The following GRM7 variants were observed in gnomAD, a reference collection of about 807,000 sequenced individuals.
GRM7 encodes glutamate metabotropic receptor 7.
In GRM7, 35 loss-of-function variants were observed where a neutral mutation model predicts 84.5. That is an observed-to-expected ratio of 0.41 (90% CI 0.32 to 0.55). GRM7 has a LOEUF of 0.55. Ranked by LOEUF, GRM7 falls within the 20% of genes least tolerant of loss-of-function variation. The pLI, the probability that GRM7 is intolerant of heterozygous loss-of-function variation, is 0.19. For synonymous variants in GRM7, 487 were observed against 455.1 expected (o/e 1.07, Z -0.89); for missense variants, 1,003 against 1,194.6 (o/e 0.84, Z 2.36).
rs1276246354 is a variant in GRM7, at chr3:7,406,837, T to C, written c.1034-8186T>C. 2.0e-5 allele frequency among the ~76,000 whole-genome samples: 3 copies of C among 152,308 alleles called. No homozygotes were observed. In the South Asian group the frequency reaches 6.2e-4, roughly 32 times the overall value. Reference sequence around the variant, plus strand: ...TGAAACATGTTGCTAGATCAAAAAATTTGCACATTTTTTATAGCTTTGGAT... The same window carrying C: ...TGAAACATGTTGCTAGATCAAAAAACTTGCACATTTTTTATAGCTTTGGAT... On this transcript the variant is annotated intron_variant, in intron 4 of 9. Transcript: ENST00000357716.
At chr3:7,237,755 G>A (rs1697399171) in intron 2 of GRM7, among the ~76,000 whole-genome samples, 1 of 152,180 alleles carries the variant, frequency 6.6e-6, no homozygotes, top group African/African-American at 2.4e-5. Flanking sequence ...GGTTGCCACT[G>A]CTGGCTCCAG....
chr3:7,465,199 G>A (rs1269746840), intron 7 of GRM7, among the ~76,000 whole-genome samples: 2 of 152,252 alleles, frequency 1.3e-5, no homozygotes, highest in Non-Finnish European at 1.5e-5. Context: ...TAAGAGTGAT[G>A]TGTTAGGAAA....
chr3:7,485,265 C>T (rs1489827209), intron 7 of GRM7, among the ~76,000 whole-genome samples: 2 of 152,174 alleles, frequency 1.3e-5, no homozygotes, highest in Non-Finnish European at 2.9e-5. Context: ...ACACAGCAGT[C>T]AATAACTAAT....
At chr3:7,642,210 C>A (rs558279326) in intron 8 of GRM7, among the ~76,000 whole-genome samples, 1 of 152,122 alleles carries the variant, frequency 6.6e-6, no homozygotes, top group African/African-American at 2.4e-5. Context: ...GCAAACTTCC[C>A]GGAGCTACCA....
At chr3:7,032,133 C>G (rs1482584119) in intron 1 of GRM7, among the ~76,000 whole-genome samples, 1 of 152,148 alleles carries the variant, frequency 6.6e-6, no homozygotes, top group African/African-American at 2.4e-5. Context: ...ATTTGGTAAG[C>G]CAGCTTGTGG....
At chr3:7,133,896 C>A (rs919057278) in intron 1 of GRM7, among the ~76,000 whole-genome samples, 1 of 152,076 alleles carries the variant, frequency 6.6e-6, no homozygotes, top group Non-Finnish European at 1.5e-5. Context: ...TGGGATACCA[C>A]GTTGGGATGG....
At chr3:7,309,779 C>T (rs1700327341) in intron 4 of GRM7, among the ~76,000 whole-genome samples, 1 of 152,116 alleles carries the variant, frequency 6.6e-6, no homozygotes, top group African/African-American at 2.4e-5. Flanking sequence ...GGTGTCATTT[C>T]CCCCCTTTCG....
chr3:7,269,537 A>T (rs1008270719), intron 2 of GRM7, among the ~76,000 whole-genome samples: 6 of 152,206 alleles, frequency 3.9e-5, no homozygotes, highest in Non-Finnish European at 8.8e-5. Flanking sequence ...TATGCAGCCA[A>T]GGGTGAGAAC....
intron 2 of GRM7, among the ~76,000 whole-genome samples, chr3:7,255,523 C>A (rs1160586854): frequency 6.6e-6 from 1 of 152,168 alleles, no homozygotes; most frequent in Non-Finnish European, 1.5e-5. Flanking sequence ...AGAAATATTC[C>A]CATTTTAATT....
At position 6,863,179 on chromosome 3, in the gene GRM7, CCT is replaced by C. The variant is rs1333981277; in HGVS notation, c.519+1275_519+1276del. Among the ~76,000 whole-genome samples, 1 of 151,766 alleles carries C rather than the reference CCT, an allele frequency of 6.6e-6. No individual in the cohort carries two copies. Among genetic ancestry groups the C allele is most frequent in the East Asian group, 1.9e-4 (1 of 5,138 alleles). On this transcript the variant is annotated intron_variant, in intron 1 of 9. Coordinates refer to ENST00000357716, the MANE Select transcript of GRM7 (RefSeq NM_000844.4). This position sits in a 1 kb window ranked among gnomAD's most constrained non-coding sequence, Gnocchi z 4.8. ...CTTTTCAATCTCTCCCTCCTTTCCTCCTCTGTCTTCACTCCCAAGTTCTTGGT... is the reference window on the plus strand; with the variant it reads ...CTTTTCAATCTCTCCCTCCTTTCCTCCTGTCTTCACTCCCAAGTTCTTGGT...
rs1697866082 is a variant in GRM7, at chr3:6,940,811, A to T, written c.519+78904A>T. ...ATATCATCTTCATGTGAAGATAGAGATATGGAATAACCACCTAAGTTCTTC... is the reference window on the plus strand; with the variant it reads ...ATATCATCTTCATGTGAAGATAGAGTTATGGAATAACCACCTAAGTTCTTC... On this transcript the variant is annotated intron_variant, in intron 1 of 9. Transcript: ENST00000357716. 1.3e-5 allele frequency among the ~76,000 whole-genome samples: 2 copies of T among 152,298 alleles called. 1 individual carries two copies. Among genetic ancestry groups the T allele is most frequent in the Admixed American group, 1.3e-4 (2 of 15,306 alleles).
chr3:7,256,617 GCACA>G (rs1035035130), intron 2 of GRM7, among the ~76,000 whole-genome samples: 1 of 151,202 alleles, frequency 6.6e-6, no homozygotes, highest in Non-Finnish European at 1.5e-5. Flanking sequence ...AGCTACCTAT[GCACA>G]CACACACACA....
chr3:7,329,299 A>G lies in GRM7; in HGVS notation c.1033+22647A>G, dbSNP rs140902672. Among the ~76,000 whole-genome samples the G allele has an allele frequency of 4.7e-3, 722 of 152,280 alleles. 5 individuals carry two copies. The highest frequency in any genetic ancestry group is 0.016 in the African/African-American group (681 of 41,564). ...AGCTAGACTGGAAACTGTTCCATCC[A>G]TCATTTAACAAGCAGGGTCCTTTCA... is the stretch of plus-strand genomic sequence containing the variant. On this transcript the variant is annotated intron_variant, in intron 4 of 9. Coordinates refer to ENST00000357716, the MANE Select transcript of GRM7 (RefSeq NM_000844.4).
chr3:7,262,226 C>G (rs1393950617), intron 2 of GRM7, among the ~76,000 whole-genome samples: 1 of 151,416 alleles, frequency 6.6e-6, no homozygotes, highest in East Asian at 2.0e-4. Context: ...CAAGTTGATT[C>G]ATTCTCCCCA....
intron 1 of GRM7, among the ~76,000 whole-genome samples, chr3:7,134,953 A>G (rs1276352094): frequency 2.6e-5 from 4 of 152,214 alleles, no homozygotes; most frequent in African/African-American, 9.6e-5. Context: ...ACACAAAACT[A>G]CTTGGATTTC....
At chr3:7,423,219 G>A (rs949953447) in intron 5 of GRM7, among the ~76,000 whole-genome samples, 56 of 152,190 alleles carry the variant, frequency 3.7e-4, no homozygotes, top group Non-Finnish European at 1.5e-4. Flanking sequence ...CTGTGCAGAA[G>A]CAAGCCAAAC....
chr3:7,453,826 G>C (rs1000277841), intron 6 of GRM7, among the ~76,000 whole-genome samples: 2 of 152,112 alleles, frequency 1.3e-5, no homozygotes, highest in Non-Finnish European at 2.9e-5. Flanking sequence ...TACCTGGTGA[G>C]GCCTGTCTGT....
At chr3:7,707,626 A>G (rs1317037903) in intron 9 of GRM7, among the ~76,000 whole-genome samples, 107 of 152,294 alleles carry the variant, frequency 7.0e-4, no homozygotes, top group Non-Finnish European at 1.0e-4. Flanking sequence ...TGAAAATACT[A>G]TTTACAAAAC....
chr3:7,628,965 G>A (rs1025780674), intron 8 of GRM7, among the ~76,000 whole-genome samples: 2 of 152,086 alleles, frequency 1.3e-5, no homozygotes, highest in Non-Finnish European at 2.9e-5. Flanking sequence ...GGTTAGAGTA[G>A]GCATGAGGAT....
Sources: gnomAD v4.1 joint callset for allele counts (sites outside exome capture counted in the v4.1 genomes callset) on GRCh38, gnomAD v4.1.1 for gene constraint, Gnocchi (gnomAD v3.1) non-coding constraint, MANE v1.5 for transcripts, NCBI Gene and HGNC (gene_info 2026-07-23, HGNC 2026-07-21) for gene names.